The following LARP4 variants were observed in gnomAD, a reference collection of about 807,000 sequenced individuals.
LARP4 encodes the protein la-related protein 4.
Under a neutral mutation model 92.9 loss-of-function variants are expected in LARP4, and 29 were observed. The observed-to-expected ratio is 0.31, with a 90% CI of 0.23 to 0.43. The LOEUF (loss-of-function observed/expected upper bound fraction) is 0.43. Among genes scored for constraint, LARP4 ranks in the 20% least tolerant of loss-of-function variants. The pLI, the probability that LARP4 is intolerant of heterozygous loss-of-function variation, is 1.00. For missense variants in LARP4, 732 were observed against 860.0 expected, an observed-to-expected ratio of 0.85 and a Z score of 1.86; for synonymous variants, 279 against 284.1, an observed-to-expected ratio of 0.98 and a Z score of 0.18.
intron 1 of LARP4, chr12:50,412,349 G>A (rs964348059): frequency 1.4e-6 from 1 of 739,398 alleles, no homozygotes; most frequent in Non-Finnish European, 1.7e-6. Flanking sequence ...GAACCTGGAT[G>A]ATTGATGGGG....
chr12:50,441,517 C>T (rs1951199952), intron 7 of LARP4, 73 bp from the exon 8 acceptor site: 1 of 1,126,568 alleles, frequency 8.9e-7, no homozygotes, highest in Admixed American at 2.3e-5. Context: ...ATACTAAACT[C>T]TCAACATAAT....
chr12:50,434,333 CAAGT>C (rs1365797638), intron 4 of LARP4, among the ~76,000 whole-genome samples: 1 of 151,016 alleles, frequency 6.6e-6, no homozygotes, highest in Non-Finnish European at 1.5e-5. Context: ...GTGTAAGATG[CAAGT>C]GTTTGCATCT....
intron 15 of LARP4, among the ~76,000 whole-genome samples, chr12:50,474,647 C>T (rs1204117555): frequency 6.6e-6 from 1 of 152,024 alleles, no homozygotes; most frequent in African/African-American, 2.4e-5. Context: ...GCGCCTGGCC[C>T]ATTCTGTTTC....
intron 1 of LARP4, among the ~76,000 whole-genome samples, chr12:50,403,208 C>T (rs767073949): frequency 6.6e-6 from 1 of 152,142 alleles, no homozygotes; most frequent in East Asian, 1.9e-4. Context: ...GTCAAAGGTT[C>T]TTAATCTAGG....
chr12:50,457,694 G>T lies in LARP4; in HGVS notation c.1121+3277G>T, dbSNP rs537065405. 9.9e-5 allele frequency among the ~76,000 whole-genome samples: 15 copies of T among 151,830 alleles called. No individual in the cohort carries two copies. The South Asian group carries it at 2.5e-3, about 25-fold the overall frequency. ...CCAGGCATACTGGTGTGCACCTGTA[G>T]TCCCTGCTACTTGGGAGACTGAGGT... On this transcript the variant is annotated intron_variant, in intron 10 of 15. Transcript: ENST00000398473.
chr12:50,465,371 C>CGAAA (rs1956014528), intron 12 of LARP4, among the ~76,000 whole-genome samples: 1 of 112,370 alleles, frequency 8.9e-6, no homozygotes, highest in Non-Finnish European at 1.7e-5. Context: ...GACTCTGTCT[C>CGAAA]AAAAAAAAAA....
chr12:50,427,965 G>C, intron 2 of LARP4, 56 bp downstream of exon 2: 1 of 1,056,662 alleles, frequency 9.5e-7, no homozygotes, highest in Non-Finnish European at 1.3e-6. Context: ...GTATGGCCAA[G>C]CAAGTTTACT....
chr12:50,452,494 T>G (rs1005242741), intron 8 of LARP4, among the ~76,000 whole-genome samples: 3 of 152,196 alleles, frequency 2.0e-5, no homozygotes, highest in Non-Finnish European at 4.4e-5. Context: ...TTTTTAACTT[T>G]TGAGGAATCT....
chr12:50,409,370 A>G (rs1945427537), intron 1 of LARP4, among the ~76,000 whole-genome samples: 1 of 152,162 alleles, frequency 6.6e-6, no homozygotes, highest in South Asian at 2.1e-4. Flanking sequence ...TTGACAGAAT[A>G]AAACATTTAG....
chr12:50,447,045 A>T (rs532221509), intron 8 of LARP4, among the ~76,000 whole-genome samples: 1 of 152,268 alleles, frequency 6.6e-6, no homozygotes, highest in African/African-American at 2.4e-5. Context: ...ATTCCCAGCA[A>T]CTTGGTGTGC....
chr12:50,426,732 GTTTT>G (rs796220360), intron 1 of LARP4, among the ~76,000 whole-genome samples: 3 of 52,110 alleles, frequency 5.8e-5, no homozygotes, highest in African/African-American at 2.2e-4. Context: ...TGTGTGTGTG[GTTTT>G]TTTTTTTTTT....
At chr12:50,461,819 A>G (rs1336446879) in intron 11 of LARP4, among the ~76,000 whole-genome samples, 3 of 151,924 alleles carry the variant, frequency 2.0e-5, no homozygotes, top group African/African-American at 7.3e-5. Flanking sequence ...TTAGCTGGGC[A>G]TGGTGGCAGG....
intron 12 of LARP4, among the ~76,000 whole-genome samples, chr12:50,462,906 G>A (rs1955633568): frequency 6.6e-6 from 1 of 152,094 alleles, no homozygotes; most frequent in South Asian, 2.1e-4. Flanking sequence ...AAAACACGAA[G>A]TCTTTCTAAC....
intron 8 of LARP4, among the ~76,000 whole-genome samples, chr12:50,451,691 G>T (rs1253326321): frequency 6.6e-6 from 1 of 152,142 alleles, no homozygotes; most frequent in African/African-American, 2.4e-5. Flanking sequence ...AAAAAAATTT[G>T]CTGGGTATGG....
At chr12:50,473,310 A>G (rs970735616) in intron 13 of LARP4, 105 bp from the exon 14 acceptor site, 1 of 764,864 alleles carries the variant, frequency 1.3e-6, no homozygotes, top group African/African-American at 1.8e-5. Flanking sequence ...TTTGCATTTT[A>G]TGATGACTAA....
At chr12:50,473,945 T>C in intron 14 of LARP4, 54 bp from the exon 15 acceptor site, 1 of 1,477,764 alleles carries the variant, frequency 6.8e-7, no homozygotes, top group South Asian at 1.2e-5. Flanking sequence ...GATTAGTTGC[T>C]CAACTGTTCC....
At chr12:50,402,384 CATT>C (rs954257892) in intron 1 of LARP4, among the ~76,000 whole-genome samples, 19 of 152,190 alleles carry the variant, frequency 1.2e-4, no homozygotes, top group African/African-American at 3.9e-4. Context: ...TTTCTGTCCT[CATT>C]GTTGTTTTCC....
intron 14 of LARP4, among the ~76,000 whole-genome samples, 190 bp downstream of exon 14, chr12:50,473,726 C>T (rs553408202): frequency 3.4e-5 from 5 of 146,924 alleles, no homozygotes; most frequent in East Asian, 4.0e-4. Flanking sequence ...ATTAGCTGGG[C>T]GTGTTGGCAG....
At chr12:50,421,643 A>AAAATAAATAAATAAATAAAT (rs144012967) in intron 1 of LARP4, among the ~76,000 whole-genome samples, 9 of 147,980 alleles carry the variant, frequency 6.1e-5, no homozygotes, top group South Asian at 2.2e-4. Context: ...ACTTCATCAC[A>AAAATAAATAAATAAATAAAT]AAATAAATAA....
Sources: gnomAD v4.1 joint callset for allele counts (sites outside exome capture counted in the v4.1 genomes callset) on GRCh38, gnomAD v4.1.1 for gene constraint, MANE v1.5 for transcripts, NCBI Gene and HGNC (gene_info 2026-07-23, HGNC 2026-07-21) for gene names.